Variants in SNX29 observed in about 807,000 individuals in gnomAD.
SNX29 encodes sorting nexin-29.
A neutral mutation model predicts 102.1 loss-of-function variants in SNX29; 78 were observed. That is an observed-to-expected ratio of 0.76 (90% CI 0.64 to 0.92). SNX29 has a LOEUF of 0.92. SNX29 is among the 40% of genes least tolerant of loss of function. SNX29 has a pLI of 0.00. For missense variants in SNX29, 1,280 were observed against 1,061.7 expected (o/e 1.21, Z -2.86); for synonymous variants, 580 against 414.5 (o/e 1.40, Z -4.85).
At chr16:12,405,191 A>G (rs2151519559) in intron 18 of SNX29, among the ~76,000 whole-genome samples, 3 of 152,302 alleles carry the variant, frequency 2.0e-5, no homozygotes, top group Middle Eastern at 6.8e-3. Context: ...AGACAGCTCT[A>G]TTTTAGAGCA....
intron 18 of SNX29, among the ~76,000 whole-genome samples, chr16:12,462,465 A>C (rs2086849747): frequency 6.6e-6 from 1 of 152,204 alleles, no homozygotes; most frequent in Admixed American, 6.5e-5. Flanking sequence ...AAGTCTGTTC[A>C]GTAGAAGAAA....
At position 12,569,248 on chromosome 16, in the gene SNX29, T is replaced by C. The variant is rs2079133906; in HGVS notation, c.*619T>C. ...TTCCTGTGGCTTTGGCAAGGAGCCATTAGTGATGTGCAACTTGAGTTCAGA... is the reference window on the plus strand; with the variant it reads ...TTCCTGTGGCTTTGGCAAGGAGCCACTAGTGATGTGCAACTTGAGTTCAGA... On this transcript the variant is annotated 3_prime_UTR_variant, in exon 21 of 21. Coordinates refer to ENST00000566228, the MANE Select transcript of SNX29 (RefSeq NM_032167.5). The C allele has an allele frequency of 4.4e-6, 1 of 224,846 alleles. No individual in the cohort carries two copies. The highest frequency in any genetic ancestry group is 5.7e-5 in the Admixed American group (1 of 17,412). The allele number at this position is 224,846 out of a possible 1,614,324, so 13.9% of individuals were successfully genotyped here.
intron 3 of SNX29, among the ~76,000 whole-genome samples, chr16:12,008,048 G>T (rs1176414286): frequency 6.6e-6 from 1 of 151,950 alleles, no homozygotes; most frequent in Admixed American, 6.6e-5. Flanking sequence ...GGTTCACGCT[G>T]TTCTCCTGCC....
At chr16:12,471,490 C>G (rs1243423451) in intron 18 of SNX29, among the ~76,000 whole-genome samples, 1 of 152,150 alleles carries the variant, frequency 6.6e-6, no homozygotes, top group Admixed American at 6.5e-5. Flanking sequence ...AGCTGGAATT[C>G]GAACCCATTT....
At chr16:12,258,245 G>A (rs1024967083) in intron 14 of SNX29, among the ~76,000 whole-genome samples, 19 of 152,138 alleles carry the variant, frequency 1.2e-4, no homozygotes, top group African/African-American at 3.9e-4. Flanking sequence ...GCCACCTGCC[G>A]TCCTGCTCTG....
At position 12,487,998 on chromosome 16, in the gene SNX29, A is replaced by G. The variant is rs1001963533; in HGVS notation, c.2178+10139A>G. Among the ~76,000 whole-genome samples, 4 of 152,220 alleles carry G rather than the reference A, an allele frequency of 2.6e-5. No homozygotes were observed. The East Asian group carries it at 5.8e-4, about 22-fold the overall frequency. ...AACCACTAACGTCATCTTGCCAGAA[A>G]AAAAACATCTCAGGGGAGAGACCTT... On this transcript the variant is annotated intron_variant, in intron 19 of 20. Coordinates refer to ENST00000566228, the MANE Select transcript of SNX29 (RefSeq NM_032167.5).
intron 13 of SNX29, among the ~76,000 whole-genome samples, chr16:12,198,944 G>A (rs1019519439): frequency 6.6e-6 from 1 of 152,148 alleles, no homozygotes; most frequent in African/African-American, 2.4e-5. Context: ...ATGTTCTGTT[G>A]TCACCCAGTG....
chr16:12,028,891 G>C (rs2057265004), intron 4 of SNX29, among the ~76,000 whole-genome samples: 1 of 151,894 alleles, frequency 6.6e-6, no homozygotes, highest in Non-Finnish European at 1.5e-5. Context: ...TGGGATTACA[G>C]GTGCCCACCA....
intron 14 of SNX29, among the ~76,000 whole-genome samples, chr16:12,224,867 A>G (rs1481423716): frequency 6.6e-6 from 1 of 152,068 alleles, no homozygotes; most frequent in Non-Finnish European, 1.5e-5. Context: ...ATCAGTTCTC[A>G]TGAACTGTGG....
intron 20 of SNX29, among the ~76,000 whole-genome samples, chr16:12,535,611 CT>C (rs2077053906): frequency 6.8e-6 from 1 of 147,126 alleles, no homozygotes; most frequent in Non-Finnish European, 1.5e-5. Context: ...CCCTTTGTCA[CT>C]GTCAGTCACA....
At chr16:12,277,440 C>A (rs1304425191) in intron 14 of SNX29, among the ~76,000 whole-genome samples, 1 of 152,124 alleles carries the variant, frequency 6.6e-6, no homozygotes, top group Non-Finnish European at 1.5e-5. Context: ...CCCAAAACAA[C>A]CAGCTCTTAT....
intron 20 of SNX29, among the ~76,000 whole-genome samples, chr16:12,550,976 A>G (rs1006274384): frequency 6.6e-6 from 1 of 152,192 alleles, no homozygotes; most frequent in African/African-American, 2.4e-5. Context: ...AGGGCACAAC[A>G]AAAAGCTGTT....
chr16:12,106,324 C>A (rs369578397), intron 11 of SNX29, among the ~76,000 whole-genome samples: 1 of 151,856 alleles, frequency 6.6e-6, no homozygotes, highest in South Asian at 2.1e-4. Flanking sequence ...GTAGAATTTT[C>A]TTTCTTCCCA....
intron 14 of SNX29, among the ~76,000 whole-genome samples, chr16:12,255,060 A>G (rs1399179791): frequency 6.6e-6 from 1 of 152,202 alleles, no homozygotes; most frequent in Non-Finnish European, 1.5e-5. Context: ...TATGGTGTAC[A>G]ATGTGCTGTT....
chr16:12,220,208 C>G (rs936173559), intron 14 of SNX29, among the ~76,000 whole-genome samples: 3 of 152,092 alleles, frequency 2.0e-5, no homozygotes, highest in Non-Finnish European at 2.9e-5. Context: ...GTGGCTGGAT[C>G]CAGGTGCTCA....
intron 17 of SNX29, among the ~76,000 whole-genome samples, chr16:12,400,457 A>T (rs1263985885): frequency 6.6e-6 from 1 of 152,192 alleles, no homozygotes; most frequent in South Asian, 2.1e-4. Flanking sequence ...CCGGGTTTCA[A>T]ACCCAGGCAG....
At chr16:12,552,151 C>T (rs180905915) in intron 20 of SNX29, among the ~76,000 whole-genome samples, 2 of 152,180 alleles carry the variant, frequency 1.3e-5, no homozygotes, top group East Asian at 1.9e-4. Context: ...CATTCCAGTA[C>T]AGCTTAATCT....
At chr16:12,122,739 C>T (rs1161091926) in intron 11 of SNX29, among the ~76,000 whole-genome samples, 1 of 152,094 alleles carries the variant, frequency 6.6e-6, no homozygotes, top group African/African-American at 2.4e-5. Context: ...ACTGAACCCT[C>T]GGCATAGATA....
intron 20 of SNX29, among the ~76,000 whole-genome samples, chr16:12,558,242 A>C (rs911188217): frequency 2.0e-5 from 3 of 150,702 alleles, no homozygotes; most frequent in Admixed American, 2.0e-4. Context: ...CCCCCCCAGT[A>C]GATGGTATCT....
Sources: gnomAD v4.1 joint callset for allele counts (sites outside exome capture counted in the v4.1 genomes callset) on GRCh38, gnomAD v4.1.1 for gene constraint, MANE v1.5 for transcripts, NCBI Gene and HGNC (gene_info 2026-07-23, HGNC 2026-07-21) for gene names.